The following BNC2 variants were observed in gnomAD, a reference collection of about 807,000 sequenced individuals.
The protein encoded by BNC2 is zinc finger protein basonuclin-2.
Under a neutral mutation model 76.3 loss-of-function variants are expected in BNC2, and 20 were observed. The observed-to-expected ratio is 0.26, with a 90% CI of 0.18 to 0.38. BNC2 has a LOEUF of 0.38. BNC2 is among the 10% of genes least tolerant of loss of function. The pLI, the probability that BNC2 is intolerant of heterozygous loss-of-function variation, is 1.00. For missense variants in BNC2, 1,382 were observed against 1,399.8 expected (o/e 0.99, Z 0.20); for synonymous variants, 582 against 514.8 (o/e 1.13, Z -1.77).
At chr9:16,631,123 A>G (rs1472638224) in intron 3 of BNC2, among the ~76,000 whole-genome samples, 3 of 152,140 alleles carry the variant, frequency 2.0e-5, no homozygotes, top group Non-Finnish European at 4.4e-5. Flanking sequence ...TGTTCTCTAT[A>G]AAATCTCAAG....
At chr9:16,451,863 G>A (rs1245610266) in intron 5 of BNC2, among the ~76,000 whole-genome samples, 1 of 152,162 alleles carries the variant, frequency 6.6e-6, no homozygotes, top group East Asian at 1.9e-4. Flanking sequence ...AAGACTCAAT[G>A]CTCACAGAGT....
At chr9:16,503,443 A>AT (rs1254945574) in intron 5 of BNC2, among the ~76,000 whole-genome samples, 2 of 151,668 alleles carry the variant, frequency 1.3e-5, no homozygotes, top group East Asian at 1.9e-4. Context: ...TTCCCTAAGA[A>AT]TTTTTTTTTC....
chr9:16,664,608 CTGGTG>C (rs1420787970), intron 3 of BNC2, among the ~76,000 whole-genome samples: 5 of 151,390 alleles, frequency 3.3e-5, no homozygotes, highest in Non-Finnish European at 5.9e-5. Context: ...CTAATCTGGT[CTGGTG>C]TTGGGTAGGA....
chr9:16,660,686 C>T (rs1029479957), intron 3 of BNC2, among the ~76,000 whole-genome samples: 1 of 152,044 alleles, frequency 6.6e-6, no homozygotes, highest in African/African-American at 2.4e-5. Flanking sequence ...ATACAATAGG[C>T]CCTCTGTATC....
chr9:16,692,458 AC>A (rs1395475954), intron 3 of BNC2, among the ~76,000 whole-genome samples: 2 of 152,302 alleles, frequency 1.3e-5, no homozygotes, highest in African/African-American at 4.8e-5. Context: ...AAATGAGGAT[AC>A]TTATATTTAT....
chr9:16,559,838 G>A (rs7018594), intron 4 of BNC2, among the ~76,000 whole-genome samples: 12,322 of 152,238 alleles, frequency 0.081, 1,102 homozygotes, highest in African/African-American at 0.21. Context: ...TCTGAGGTAC[G>A]TGCTGTATGC....
At chr9:16,714,416 G>T (rs10962548) in intron 3 of BNC2, among the ~76,000 whole-genome samples, 1 of 152,050 alleles carries the variant, frequency 6.6e-6, no homozygotes, top group Non-Finnish European at 1.5e-5. Context: ...TTCTGAAAGC[G>T]TTAAGTCACA....
At chr9:16,786,317 G>A (rs1316316899) in intron 1 of BNC2, among the ~76,000 whole-genome samples, 1 of 152,134 alleles carries the variant, frequency 6.6e-6, no homozygotes, top group African/African-American at 2.4e-5. Context: ...GAAAGACTGA[G>A]CCATTGGAGA....
chr9:16,766,936 G>A (rs1825711374), intron 1 of BNC2, among the ~76,000 whole-genome samples: 1 of 152,326 alleles, frequency 6.6e-6, no homozygotes, highest in African/African-American at 2.4e-5. Context: ...CCAAAGAGAG[G>A]AAAGAGGGAC....
chr9:16,595,880 A>G (rs1424951692), intron 3 of BNC2, among the ~76,000 whole-genome samples: 1 of 152,140 alleles, frequency 6.6e-6, no homozygotes, highest in East Asian at 1.9e-4. Context: ...AGAAATAAAT[A>G]CAAAGCCTTG....
intron 5 of BNC2, among the ~76,000 whole-genome samples, chr9:16,479,602 T>C (rs1822003511): frequency 6.6e-6 from 1 of 152,242 alleles, no homozygotes; most frequent in South Asian, 2.1e-4. Context: ...CATTTGCTTG[T>C]AAGAGTCTTT....
At chr9:16,617,879 G>T (rs934241310) in intron 3 of BNC2, among the ~76,000 whole-genome samples, 1 of 152,210 alleles carries the variant, frequency 6.6e-6, no homozygotes, top group Admixed American at 6.5e-5. Flanking sequence ...AACCTGTCCA[G>T]TATCACAGAG....
intron 1 of BNC2, among the ~76,000 whole-genome samples, chr9:16,755,539 C>T (rs985490042): frequency 6.6e-6 from 1 of 152,132 alleles, no homozygotes; most frequent in African/African-American, 2.4e-5. Context: ...ATGACCCCCC[C>T]ATCCTTTCTT....
chr9:16,487,311 T>A (rs1158352571), intron 5 of BNC2, among the ~76,000 whole-genome samples: 5 of 152,206 alleles, frequency 3.3e-5, no homozygotes, highest in Non-Finnish European at 5.9e-5. Flanking sequence ...TAACAGGACA[T>A]GGAGTGTTAC....
intron 5 of BNC2, among the ~76,000 whole-genome samples, chr9:16,513,609 G>T (rs563063403): frequency 6.6e-6 from 1 of 152,228 alleles, no homozygotes; most frequent in South Asian, 2.1e-4. Flanking sequence ...AGGCCGAAAA[G>T]GTTCTTAATA....
At chr9:16,470,218 C>CA (rs1451881224) in intron 5 of BNC2, among the ~76,000 whole-genome samples, 3 of 151,952 alleles carry the variant, frequency 2.0e-5, no homozygotes, top group African/African-American at 7.3e-5. Context: ...AGGATGGTCT[C>CA]AATCTCCTGA....
chr9:16,425,808 G>A (rs1273847612), intron 6 of BNC2, among the ~76,000 whole-genome samples: 1 of 152,160 alleles, frequency 6.6e-6, no homozygotes, highest in African/African-American at 2.4e-5. Flanking sequence ...TCATTGCTGT[G>A]GAATGCATAA....
chr9:16,840,432 C>A lies in BNC2; in HGVS notation c.3+30214G>T, dbSNP rs1054871977. Among the ~76,000 whole-genome samples the A allele has an allele frequency of 3.3e-5, 5 of 152,196 alleles. No homozygotes were observed. The East Asian group carries it at 9.6e-4, about 29-fold the overall frequency. On this transcript the variant is annotated intron_variant, in intron 1 of 6. Coordinates refer to ENST00000380672, the MANE Select transcript of BNC2 (RefSeq NM_017637.6). Reference sequence around the variant, plus strand: ...TTAACATGGCGTCTCCCCCTTAAGCCACTAGCTGTCACTCAAAAGTTCACT... The same window carrying A: ...TTAACATGGCGTCTCCCCCTTAAGCAACTAGCTGTCACTCAAAAGTTCACT...
At chr9:16,439,129 T>C (rs1175698085) in intron 5 of BNC2, among the ~76,000 whole-genome samples, 4 of 152,200 alleles carry the variant, frequency 2.6e-5, no homozygotes, top group Non-Finnish European at 5.9e-5. Context: ...CTCCTTTGCC[T>C]TCTGCCATGA....
Sources: allele counts gnomAD v4.1 joint callset (sites outside exome capture counted in the v4.1 genomes callset), GRCh38; gene constraint gnomAD v4.1.1; transcripts MANE v1.5; gene names NCBI Gene and HGNC (gene_info 2026-07-23, HGNC 2026-07-21).